RBFOX1: variants seen among roughly 807,000 people sequenced by gnomAD.
RBFOX1 encodes RNA binding protein fox-1 homolog 1.
RBFOX1 carries 8 observed loss-of-function variants against 57.7 expected under a neutral mutation model. The observed-to-expected ratio is 0.14, with a 90% CI of 0.08 to 0.25. The LOEUF (loss-of-function observed/expected upper bound fraction) is 0.25. Among genes scored for constraint, RBFOX1 ranks in the 10% least tolerant of loss-of-function variants. The probability of loss-of-function intolerance (pLI) is 1.00; values close to 1 mark genes in which losing one functional copy is unlikely to be tolerated. For synonymous variants in RBFOX1, 326 were observed against 222.4 expected, an observed-to-expected ratio of 1.47 and a Z score of -4.15; for missense variants, 611 against 548.5, an observed-to-expected ratio of 1.11 and a Z score of -1.14.
intron 4 of RBFOX1, among the ~76,000 whole-genome samples, chr16:7,272,828 C>A (rs1055186953): frequency 3.3e-5 from 5 of 150,674 alleles, no homozygotes; most frequent in African/African-American, 1.2e-4. Context: ...AAAATCCTCT[C>A]CTCCCTCCCC....
intron 4 of RBFOX1, among the ~76,000 whole-genome samples, chr16:7,467,641 C>G (rs1489760411): frequency 6.6e-6 from 1 of 152,056 alleles, no homozygotes; most frequent in African/African-American, 2.4e-5. Flanking sequence ...ATAAGAGTGA[C>G]CTTGCTAGGG....
intron 4 of RBFOX1, among the ~76,000 whole-genome samples, chr16:7,307,745 G>A (rs566089703): frequency 6.0e-4 from 92 of 152,234 alleles, no homozygotes; most frequent in African/African-American, 2.1e-3. Context: ...CATACACACA[G>A]ACACATATAC....
intron 3 of RBFOX1, among the ~76,000 whole-genome samples, chr16:6,818,100 C>G (rs148030071): frequency 6.6e-6 from 1 of 152,130 alleles, no homozygotes; most frequent in Non-Finnish European, 1.5e-5. Flanking sequence ...ATTATTGTTT[C>G]AGATTTTCCA....
At chr16:6,405,049 G>A (rs1408118232) in intron 2 of RBFOX1, among the ~76,000 whole-genome samples, 5 of 152,190 alleles carry the variant, frequency 3.3e-5, no homozygotes, top group Non-Finnish European at 5.9e-5. Context: ...ATTTATGCCT[G>A]CATAACACAA....
chr16:7,106,047 T>C (rs898642998), intron 4 of RBFOX1, among the ~76,000 whole-genome samples: 3 of 152,196 alleles, frequency 2.0e-5, no homozygotes, highest in Admixed American at 1.3e-4. Flanking sequence ...GGACTGACAG[T>C]TCTGGAATAT....
intron 3 of RBFOX1, among the ~76,000 whole-genome samples, chr16:6,665,627 A>C (rs887699236): frequency 3.2e-5 from 3 of 92,892 alleles, no homozygotes; most frequent in Non-Finnish European, 7.2e-5. Flanking sequence ...CTCCATCTCC[A>C]AAAAAAAAAA....
intron 1 of RBFOX1, among the ~76,000 whole-genome samples, chr16:5,383,804 G>C (rs2066190663): frequency 6.6e-6 from 1 of 152,190 alleles, no homozygotes; most frequent in Non-Finnish European, 1.5e-5. Context: ...ACAAGTGACA[G>C]AACTCCAACT....
At chr16:5,558,986 C>T (rs895112086) in intron 2 of RBFOX1, among the ~76,000 whole-genome samples, 1 of 152,010 alleles carries the variant, frequency 6.6e-6, no homozygotes, top group Non-Finnish European at 1.5e-5. Context: ...GGGAGGTGAT[C>T]CCACACTCTC....
At chr16:6,535,958 C>T (rs895631284) in intron 2 of RBFOX1, among the ~76,000 whole-genome samples, 1 of 152,156 alleles carries the variant, frequency 6.6e-6, no homozygotes, top group East Asian at 1.9e-4. Context: ...CACTAAGATG[C>T]CTCTTTAGTT....
intron 3 of RBFOX1, among the ~76,000 whole-genome samples, chr16:6,879,337 A>G (rs915884188): frequency 6.6e-6 from 1 of 151,974 alleles, no homozygotes; most frequent in Non-Finnish European, 1.5e-5. Context: ...AACTTCAGAC[A>G]CTCTGTCTCC....
intron 3 of RBFOX1, among the ~76,000 whole-genome samples, chr16:6,963,187 T>C (rs115242299): frequency 0.011 from 1,726 of 152,226 alleles, 39 homozygotes; most frequent in African/African-American, 0.039. Flanking sequence ...CTATTTTTTT[T>C]CGGAGTCCGT....
Position 7,090,762 on chromosome 16 carries a change from G to A in RBFOX1, c.27+38664G>A, listed in dbSNP as rs375070907. ...ACCAAACTTGGCCACGGTAGGAGGG[G>A]GAAACAGCCTTCCCTACGGACTTCT... On this transcript the variant is annotated intron_variant, in intron 4 of 15. Transcript: ENST00000550418. Among the ~76,000 whole-genome samples the A allele has an allele frequency of 2.7e-3, 415 of 152,238 alleles. 3 individuals are homozygous for A. Among genetic ancestry groups the A allele is most frequent in the Admixed American group, 6.5e-3 (99 of 15,286 alleles).
At chr16:5,772,033 G>T (rs554369840) in intron 3 of RBFOX1, among the ~76,000 whole-genome samples, 10 of 152,216 alleles carry the variant, frequency 6.6e-5, no homozygotes, top group African/African-American at 2.4e-4. Flanking sequence ...TTAGCTGAGT[G>T]TGGCAGCACA....
chr16:6,366,507 G>T (rs1194867719), intron 2 of RBFOX1, among the ~76,000 whole-genome samples: 2 of 152,182 alleles, frequency 1.3e-5, no homozygotes. Flanking sequence ...TGGATTCGTT[G>T]TCTGAGGCTC....
At chr16:6,288,132 A>G (rs1187393766) in intron 1 of RBFOX1, among the ~76,000 whole-genome samples, 1 of 152,176 alleles carries the variant, frequency 6.6e-6, no homozygotes, top group African/African-American at 2.4e-5. Context: ...GCTCTCATTC[A>G]GTTTACAAAC....
intron 1 of RBFOX1, among the ~76,000 whole-genome samples, chr16:5,287,123 A>G (rs2063414435): frequency 6.6e-6 from 1 of 152,154 alleles, no homozygotes; most frequent in Non-Finnish European, 1.5e-5. Context: ...TGGGCAATAT[A>G]GTGAGACCCT....
chr16:7,019,244 G>T (rs1373870878), intron 3 of RBFOX1, among the ~76,000 whole-genome samples: 5 of 151,932 alleles, frequency 3.3e-5, no homozygotes. Flanking sequence ...CCTTGTTTAG[G>T]TTTTGTTAGG....
chr16:5,392,529 AT>A lies in RBFOX1; in HGVS notation c.220-74679del, dbSNP rs913231218. 3.3e-3 allele frequency among the ~76,000 whole-genome samples: 498 copies of A among 150,016 alleles called. 5 individuals carry two copies. The highest frequency in any genetic ancestry group is 0.012 in the African/African-American group (477 of 40,838). On this transcript the variant is annotated intron_variant, in intron 1 of 2. Transcript: ENST00000585867. ...TATGTCTAATGATATATATATATAT[AT>A]TTTTTTTCTTTTTTTCTTTTTTTTT...
chr16:6,467,743 G>C (rs1236493346), intron 2 of RBFOX1, among the ~76,000 whole-genome samples: 5 of 152,156 alleles, frequency 3.3e-5, no homozygotes, highest in Non-Finnish European at 7.3e-5. Flanking sequence ...GAGCCCCTAA[G>C]GGTAAGGATT....
Sources: allele counts gnomAD v4.1 joint callset (sites outside exome capture counted in the v4.1 genomes callset), GRCh38; gene constraint gnomAD v4.1.1; transcripts MANE v1.5; gene names NCBI Gene and HGNC (gene_info 2026-07-23, HGNC 2026-07-21).